The following SRBD1 variants were observed in gnomAD, a reference collection of about 807,000 sequenced individuals.
SRBD1 encodes the protein S1 RNA-binding domain-containing protein 1.
In SRBD1, 88 loss-of-function variants were observed where a neutral mutation model predicts 115.3. That is an observed-to-expected ratio of 0.76 (90% confidence interval 0.64 to 0.91). The LOEUF is 0.91. Ranked by LOEUF, SRBD1 falls within the 40% of genes least tolerant of loss-of-function variation. SRBD1 has a pLI of 0.00. For synonymous variants in SRBD1, 509 were observed against 407.7 expected (o/e 1.25, Z -2.99); for missense variants, 1,385 against 1,177.4 (o/e 1.18, Z -2.58).
chr2:45,570,625 T>C (rs114670633), intron 9 of SRBD1, among the ~76,000 whole-genome samples: 1,613 of 152,286 alleles, frequency 0.011, 11 homozygotes, highest in Middle Eastern at 0.017. Flanking sequence ...ATAAAAATTT[T>C]ATAACAACGA....
chr2:45,544,444 T>C (rs1168765690), intron 14 of SRBD1, among the ~76,000 whole-genome samples: 1 of 152,166 alleles, frequency 6.6e-6, no homozygotes, highest in African/African-American at 2.4e-5. Flanking sequence ...TAAAACTATA[T>C]GGCTAATCAG....
At chr2:45,415,509 T>G (rs937365667) in intron 18 of SRBD1, among the ~76,000 whole-genome samples, 2 of 147,130 alleles carry the variant, frequency 1.4e-5, no homozygotes, top group Non-Finnish European at 3.0e-5. Flanking sequence ...ATATATAGTG[T>G]GTATGTGTAT....
chr2:45,402,908 A>G (rs1306026129), intron 19 of SRBD1, among the ~76,000 whole-genome samples: 1 of 152,172 alleles, frequency 6.6e-6, no homozygotes, highest in African/African-American at 2.4e-5. Context: ...AAATGGTAGG[A>G]CAAAAACAGA....
At chr2:45,550,547 T>G (rs1341022288) in intron 12 of SRBD1, among the ~76,000 whole-genome samples, 1 of 150,320 alleles carries the variant, frequency 6.7e-6, no homozygotes, top group Non-Finnish European at 1.5e-5. Flanking sequence ...CTGCCAATCT[T>G]GAATTCTACA....
intron 19 of SRBD1, among the ~76,000 whole-genome samples, chr2:45,402,584 A>G (rs1426602139): frequency 6.6e-6 from 1 of 152,222 alleles, no homozygotes; most frequent in Admixed American, 6.6e-5. Context: ...AGAAACTAGT[A>G]TTAGAATTCC....
chr2:45,583,122 G>T (rs1232788795), intron 5 of SRBD1, among the ~76,000 whole-genome samples: 1 of 151,774 alleles, frequency 6.6e-6, no homozygotes, highest in Non-Finnish European at 1.5e-5. Context: ...CCTAATAATG[G>T]TATTGCTAAA....
intron 4 of SRBD1, among the ~76,000 whole-genome samples, chr2:45,597,469 T>G (rs1673939414): frequency 1.3e-5 from 2 of 151,574 alleles, no homozygotes; most frequent in Non-Finnish European, 2.9e-5. Context: ...AACTGGTTAG[T>G]CTACGTAACT....
chr2:45,497,091 A>G (rs879223983), intron 14 of SRBD1, among the ~76,000 whole-genome samples: 1 of 152,184 alleles, frequency 6.6e-6, no homozygotes, highest in African/African-American at 2.4e-5. Context: ...TGACTCTGCT[A>G]TATTACACTG....
chr2:45,595,199 T>C (rs1673856509), intron 4 of SRBD1, among the ~76,000 whole-genome samples: 1 of 152,176 alleles, frequency 6.6e-6, no homozygotes, highest in Non-Finnish European at 1.5e-5. Context: ...TAGTTCTGCC[T>C]CTCCAAACAA....
intron 16 of SRBD1, among the ~76,000 whole-genome samples, chr2:45,470,287 C>A (rs1007021651): frequency 6.6e-6 from 1 of 152,176 alleles, no homozygotes; most frequent in Admixed American, 6.5e-5. Context: ...AAAGAAAATG[C>A]AAATTCCCAC....
At chr2:45,605,507 T>A in intron 1 of SRBD1, 66 bp from the exon 2 acceptor site, 1 of 1,397,246 alleles carries the variant, frequency 7.2e-7, no homozygotes, top group Non-Finnish European at 1.0e-6. Context: ...TGGCTACAAG[T>A]AATGGGTCAT....
At chr2:45,481,454 C>T (rs1351013048) in intron 15 of SRBD1, among the ~76,000 whole-genome samples, 15 of 151,836 alleles carry the variant, frequency 9.9e-5, no homozygotes. Context: ...AGAGTTATGG[C>T]CCAAAACTTA....
Position 45,574,564 on chromosome 2 carries a change from A to ACCTT in SRBD1, c.1169+62_1169+63insAAGG. ...TTTAATGAACATTGGTATTAGCACTAACCGTGTGACCCTTAACAGCATGAG... is the reference window on the plus strand; with the variant it reads ...TTTAATGAACATTGGTATTAGCACTACCTTACCGTGTGACCCTTAACAGCATGAG... On this transcript the variant is annotated intron_variant, in intron 8 of 20. Coordinates refer to ENST00000263736, the MANE Select transcript of SRBD1 (RefSeq NM_018079.5). The ACCTT allele has an allele frequency of 4.1e-6, 6 of 1,473,252 alleles. No homozygotes were observed. The South Asian group carries it at 6.1e-5, about 15-fold the overall frequency. 91.3% of individuals were successfully genotyped at this position (1,473,252 alleles called of 1,614,324 possible). A position where few individuals can be genotyped will look rare whatever the true frequency, so the allele number is the denominator to read the frequency against.
chr2:45,450,945 G>A (rs1230405592), intron 16 of SRBD1, among the ~76,000 whole-genome samples: 1 of 152,082 alleles, frequency 6.6e-6, no homozygotes, highest in Non-Finnish European at 1.5e-5. Context: ...ACCAGCTGCA[G>A]GTTTGAAAAA....
intron 14 of SRBD1, among the ~76,000 whole-genome samples, chr2:45,498,146 C>G (rs1432630272): frequency 6.6e-6 from 1 of 151,846 alleles, no homozygotes; most frequent in Non-Finnish European, 1.5e-5. Flanking sequence ...ATTTATATTT[C>G]TTTAATCATT....
intron 14 of SRBD1, among the ~76,000 whole-genome samples, chr2:45,520,032 C>T (rs1029229271): frequency 6.6e-5 from 10 of 152,024 alleles, no homozygotes; most frequent in African/African-American, 2.4e-4. Flanking sequence ...AGTTCTTTAT[C>T]CTTAGAAAAA....
chr2:45,513,032 A>G (rs1192389949), intron 14 of SRBD1, among the ~76,000 whole-genome samples: 5 of 152,140 alleles, frequency 3.3e-5, no homozygotes, highest in Admixed American at 3.3e-4. Flanking sequence ...AGCAAAATCA[A>G]AAAGCAAGAA....
At chr2:45,558,811 C>T (rs1027275058) in intron 10 of SRBD1, among the ~76,000 whole-genome samples, 1 of 151,624 alleles carries the variant, frequency 6.6e-6, no homozygotes, top group East Asian at 1.9e-4. Flanking sequence ...CCTGCCTCAG[C>T]CTCCCAAGTA....
chr2:45,463,841 A>C (rs1234930467), intron 16 of SRBD1, among the ~76,000 whole-genome samples: 1 of 152,190 alleles, frequency 6.6e-6, no homozygotes, highest in Non-Finnish European at 1.5e-5. Flanking sequence ...CATAACCAGT[A>C]CACTAAAAAC....
Sources: allele counts gnomAD v4.1 joint callset (sites outside exome capture counted in the v4.1 genomes callset), GRCh38; gene constraint gnomAD v4.1.1; transcripts MANE v1.5; gene names NCBI Gene and HGNC (gene_info 2026-07-23, HGNC 2026-07-21).